PCDHGB3: variants seen among roughly 807,000 people sequenced by gnomAD.
The protein encoded by PCDHGB3 is protocadherin gamma subfamily B, 3.
Under a neutral mutation model 59.2 loss-of-function variants are expected in PCDHGB3, and 40 were observed. The ratio of observed to expected loss-of-function variants is 0.68; its 90% CI spans 0.52 to 0.88. The LOEUF is 0.88. Ranked by LOEUF, PCDHGB3 falls within the 40% of genes least tolerant of loss-of-function variation. The pLI is 0.00. For synonymous variants in PCDHGB3, 581 were observed against 503.6 expected (o/e 1.15, Z -2.06); for missense variants, 1,309 against 1,187.9 (o/e 1.10, Z -1.50).
chr5:141,491,048 C>G lies in PCDHGB3; in HGVS notation c.2416-3759C>G. On this transcript the variant is annotated intron_variant, in intron 1 of 3. Coordinates refer to ENST00000576222, the MANE Select transcript of PCDHGB3 (RefSeq NM_018924.5). The surrounding 1 kb of genome is among the most constrained non-coding windows in gnomAD (Gnocchi z 6.9). ...GTGGATGCTGATGCAGGCCACAATGCGTGGCTCTCCTACTCACTGTTGCCA... is the reference window on the plus strand; with the variant it reads ...GTGGATGCTGATGCAGGCCACAATGGGTGGCTCTCCTACTCACTGTTGCCA... 1.2e-6 allele frequency: 2 copies of G among 1,614,066 alleles called. No individual in the cohort carries two copies. Among genetic ancestry groups the G allele is most frequent in the Non-Finnish European group, 8.5e-7 (1 of 1,179,952 alleles).
intron 1 of PCDHGB3, among the ~76,000 whole-genome samples, chr5:141,481,039 C>T (rs748434260): frequency 4.6e-5 from 7 of 152,048 alleles, no homozygotes; most frequent in Non-Finnish European, 8.8e-5. Flanking sequence ...GCCTGGGCGA[C>T]AGAGCGAGAC....
rs2099404338 is a variant in PCDHGB3, at chr5:141,477,060, C to T, written c.2416-17747C>T. On this transcript the variant is annotated intron_variant, in intron 1 of 3. Coordinates refer to ENST00000576222, the MANE Select transcript of PCDHGB3 (RefSeq NM_018924.5). This position sits in a 1 kb window ranked among gnomAD's most constrained non-coding sequence, Gnocchi z 4.9. Reference sequence around the variant, plus strand: ...AAGGGTCGGCTGGACTTCGAGGACACCAAACTCCATGAGATTTACATCCAG... The same window carrying T: ...AAGGGTCGGCTGGACTTCGAGGACATCAAACTCCATGAGATTTACATCCAG... 3.7e-6 allele frequency: 6 copies of T among 1,614,256 alleles called. No individual in the cohort carries two copies. The highest frequency in any genetic ancestry group is 5.1e-6 in the Non-Finnish European group (6 of 1,180,046).
chr5:141,430,933 G>C (rs2097327058), intron 1 of PCDHGB3: 1 of 1,607,608 alleles, frequency 6.2e-7, no homozygotes, highest in East Asian at 2.2e-5. Flanking sequence ...AGCCCCGGGA[G>C]CTCGCGGAGC....
chr5:141,392,809 CA>C, intron 1 of PCDHGB3: 1 of 1,578,772 alleles, frequency 6.3e-7, no homozygotes, highest in Non-Finnish European at 8.6e-7. Flanking sequence ...TGCAGCAAAA[CA>C]ACAATGGCCG....
intron 1 of PCDHGB3, among the ~76,000 whole-genome samples, chr5:141,443,191 A>G (rs2098371862): frequency 6.6e-6 from 1 of 152,122 alleles, no homozygotes; most frequent in Non-Finnish European, 1.5e-5. Flanking sequence ...CATTCTCTAT[A>G]GTACAAAGAG....
chr5:141,431,839 T>A lies in PCDHGB3; in HGVS notation c.2415+59030T>A. The A allele has an allele frequency of 1.2e-6, 2 of 1,614,198 alleles. No individual in the cohort carries two copies. The highest frequency in any genetic ancestry group is 1.7e-6 in the Non-Finnish European group (2 of 1,180,028). The stretch of plus-strand genomic sequence containing the variant: ...TCGCCAGCTCGGTTCCCGAAAACTC[T>A]CCCAGAGGGACATTAATTGCCCTTT... On this transcript the variant is annotated intron_variant, in intron 1 of 3. Coordinates refer to ENST00000576222, the MANE Select transcript of PCDHGB3 (RefSeq NM_018924.5). This position sits in a 1 kb window ranked among gnomAD's most constrained non-coding sequence, Gnocchi z 4.8.
At chr5:141,374,700 C>T in intron 1 of PCDHGB3, 1 of 1,608,752 alleles carries the variant, frequency 6.2e-7, no homozygotes, top group Non-Finnish European at 8.5e-7. Context: ...GAAGGAGAAG[C>T]CGTTTACCGC....
intron 1 of PCDHGB3, chr5:141,376,844 G>C (rs897403160): frequency 1.7e-5 from 4 of 242,114 alleles, no homozygotes; most frequent in Non-Finnish European, 3.2e-5. Context: ...CCGCCACCGC[G>C]CCCGGCTAAT....
intron 1 of PCDHGB3, chr5:141,383,022 AG>A: frequency 6.2e-7 from 1 of 1,613,826 alleles, no homozygotes; most frequent in Non-Finnish European, 8.5e-7. Context: ...AGACGGACAA[AG>A]GGTCCTTTGT....
At chr5:141,418,029 G>A (rs775326655) in intron 1 of PCDHGB3, 1 of 1,614,022 alleles carries the variant, frequency 6.2e-7, no homozygotes, top group Non-Finnish European at 8.5e-7. Context: ...CTAGGGCTTA[G>A]TGTCCTGGAT....
chr5:141,485,680 C>T lies in PCDHGB3; in HGVS notation c.2416-9127C>T. The T allele has an allele frequency of 6.2e-7, 1 of 1,613,966 alleles. No individual in the cohort carries two copies. Among genetic ancestry groups the T allele is most frequent in the South Asian group, 1.1e-5 (1 of 91,066 alleles). The stretch of plus-strand genomic sequence containing the variant: ...ATGTGGGGAGCAATTCGATTAGCAG[C>T]TATAGGCTGAGCTCCAATGAACACT... On this transcript the variant is annotated intron_variant, in intron 1 of 3. Coordinates refer to ENST00000576222, the MANE Select transcript of PCDHGB3 (RefSeq NM_018924.5). The surrounding 1 kb of genome is among the most constrained non-coding windows in gnomAD (Gnocchi z 5.7).
chr5:141,458,104 A>G (rs969775517), intron 1 of PCDHGB3, among the ~76,000 whole-genome samples: 6 of 152,232 alleles, frequency 3.9e-5, no homozygotes, highest in Non-Finnish European at 8.8e-5. Flanking sequence ...ACTTACAGAT[A>G]GTCTCCAAAT....
chr5:141,475,705 A>G (rs2099367264), intron 1 of PCDHGB3, among the ~76,000 whole-genome samples: 1 of 152,246 alleles, frequency 6.6e-6, no homozygotes. Flanking sequence ...CAGAACGGCT[A>G]GCCTCACAGC....
chr5:141,423,573 C>G, intron 1 of PCDHGB3: 1 of 1,613,488 alleles, frequency 6.2e-7, no homozygotes, highest in South Asian at 1.1e-5. Context: ...CGCTCATCAG[C>G]CAGGAGAGCT....
At chr5:141,463,831 C>T (rs2099070299) in intron 1 of PCDHGB3, among the ~76,000 whole-genome samples, 1 of 152,174 alleles carries the variant, frequency 6.6e-6, no homozygotes, top group African/African-American at 2.4e-5. Flanking sequence ...TGATCCACTT[C>T]CCAGTTGTTA....
Position 141,476,559 on chromosome 5 carries a change from T to C in PCDHGB3, c.2416-18248T>C. The stretch of plus-strand genomic sequence containing the variant: ...ATGAAATTGGAGATTAGCGAGGCCG[T>C]GGCTCCGGGGACGCGCTTTCCGCTC... On this transcript the variant is annotated intron_variant, in intron 1 of 3. Coordinates refer to ENST00000576222, the MANE Select transcript of PCDHGB3 (RefSeq NM_018924.5). This position sits in a 1 kb window ranked among gnomAD's most constrained non-coding sequence, Gnocchi z 7.6. 4 of 1,614,228 alleles carry C rather than the reference T, an allele frequency of 2.5e-6. No homozygotes were observed. Among genetic ancestry groups the C allele is most frequent in the Non-Finnish European group, 3.4e-6 (4 of 1,180,036 alleles).
In PCDHGB3 at chr5:141,388,498, A is replaced by G. The variant is rs1025242684; in HGVS notation, c.2415+15689A>G. The G allele has an allele frequency of 9.9e-6, 16 of 1,613,748 alleles. No homozygotes were observed. Among genetic ancestry groups the G allele is most frequent in the Admixed American group, 1.7e-5 (1 of 60,004 alleles). ...AAGACACCTTTGGACAGAGAAAAGCAGAAATCCTACCACTTGACTTTGACT... is the reference window on the plus strand; with the variant it reads ...AAGACACCTTTGGACAGAGAAAAGCGGAAATCCTACCACTTGACTTTGACT... On this transcript the variant is annotated intron_variant, in intron 1 of 3. Transcript: ENST00000576222.
chr5:141,432,663 G>A lies in PCDHGB3; in HGVS notation c.2415+59854G>A. ...CGCACGGCGCGAGCCCTGCTGGACA[G>A]AGACGCGCTCAAGCAGAGCCTCGTA... On this transcript the variant is annotated intron_variant, in intron 1 of 3. Coordinates refer to ENST00000576222, the MANE Select transcript of PCDHGB3 (RefSeq NM_018924.5). This position sits in a 1 kb window ranked among gnomAD's most constrained non-coding sequence, Gnocchi z 6.0. 1 of 1,613,886 alleles carries A rather than the reference G, an allele frequency of 6.2e-7. No individual in the cohort carries two copies. Among genetic ancestry groups the A allele is most frequent in the Non-Finnish European group, 8.5e-7 (1 of 1,179,952 alleles).
rs766779419 is a variant in PCDHGB3, at chr5:141,389,386, C to G, written c.2415+16577C>G. On this transcript the variant is annotated intron_variant, in intron 1 of 3. Transcript: ENST00000576222. ...GACCTGGAGCAGCGGGAGCTGTCAT[C>G]CTACGTGTCCATAAGCGCGGAGAGC... The G allele has an allele frequency of 1.1e-5, 17 of 1,613,620 alleles. No homozygotes were observed. The highest frequency in any genetic ancestry group is 6.7e-5 in the African/African-American group (5 of 74,960).
Sources: allele counts gnomAD v4.1 joint callset (sites outside exome capture counted in the v4.1 genomes callset), GRCh38; gene constraint gnomAD v4.1.1; non-coding constraint Gnocchi (gnomAD v3.1); transcripts MANE v1.5; gene names NCBI Gene and HGNC (gene_info 2026-07-23, HGNC 2026-07-21).